PRKN: variants seen among roughly 807,000 people sequenced by gnomAD.
PRKN encodes parkin RBR E3 ubiquitin protein ligase, also known as E3 ubiquitin-protein ligase parkin.
PRKN carries 56 observed loss-of-function variants against 59.5 expected under a neutral mutation model. The observed-to-expected ratio is 0.94, with a 90% CI of 0.76 to 1.18. The LOEUF is 1.18. Ranked by LOEUF, PRKN falls within the 50% of genes most tolerant of loss-of-function variation. The pLI is 0.00. For synonymous variants in PRKN, 250 were observed against 222.1 expected, an observed-to-expected ratio of 1.13 and a Z score of -1.12; for missense variants, 657 against 596.4, an observed-to-expected ratio of 1.10 and a Z score of -1.06.
At chr6:162,654,333 A>G (rs996555646) in intron 1 of PRKN, among the ~76,000 whole-genome samples, 1 of 152,218 alleles carries the variant, frequency 6.6e-6, no homozygotes, top group African/African-American at 2.4e-5. Context: ...CAGTATCCCC[A>G]TTTCATACAA....
At chr6:161,839,658 G>A (rs1005779218) in intron 6 of PRKN, among the ~76,000 whole-genome samples, 1 of 152,116 alleles carries the variant, frequency 6.6e-6, no homozygotes, top group Non-Finnish European at 1.5e-5. Context: ...TCTTGAATCA[G>A]GAATGTCCTC....
chr6:161,490,123 C>T (rs1777492487), intron 9 of PRKN, among the ~76,000 whole-genome samples: 1 of 152,158 alleles, frequency 6.6e-6, no homozygotes, highest in African/African-American at 2.4e-5. Context: ...CATTTTCCTC[C>T]TCTAGTCAAG....
intron 7 of PRKN, among the ~76,000 whole-genome samples, chr6:161,707,547 A>G (rs1786555468): frequency 6.6e-6 from 1 of 152,226 alleles, no homozygotes; most frequent in East Asian, 1.9e-4. Flanking sequence ...CGACACAACA[A>G]ACACACTAAA....
chr6:162,314,523 G>A (rs1445887628), intron 2 of PRKN, among the ~76,000 whole-genome samples: 2 of 152,060 alleles, frequency 1.3e-5, no homozygotes, highest in African/African-American at 4.8e-5. Flanking sequence ...AGTAGCTAAA[G>A]ACCGTGGGCA....
chr6:161,698,202 A>C (rs1786101898), intron 7 of PRKN, among the ~76,000 whole-genome samples: 2 of 152,176 alleles, frequency 1.3e-5, no homozygotes, highest in Admixed American at 1.3e-4. Context: ...CAACATGCAA[A>C]AAAAATCACA....
chr6:161,597,094 C>T (rs1210140359), intron 7 of PRKN, among the ~76,000 whole-genome samples: 1 of 152,172 alleles, frequency 6.6e-6, no homozygotes, highest in Non-Finnish European at 1.5e-5. Flanking sequence ...CTTTGGGCCT[C>T]ACGCTTTTCT....
intron 1 of PRKN, among the ~76,000 whole-genome samples, chr6:162,725,633 C>T (rs1225132175): frequency 6.6e-6 from 1 of 152,002 alleles, no homozygotes; most frequent in East Asian, 1.9e-4. Flanking sequence ...CATGGTGGCA[C>T]ACACCTGTAG....
chr6:161,978,005 G>GTTATT (rs1460889583), intron 5 of PRKN, among the ~76,000 whole-genome samples: 1 of 149,252 alleles, frequency 6.7e-6, no homozygotes, highest in African/African-American at 2.5e-5. Context: ...CTAATTTGCA[G>GTTATT]TTATTTTATT....
At chr6:161,776,140 T>C (rs890445971) in intron 7 of PRKN, among the ~76,000 whole-genome samples, 3 of 152,178 alleles carry the variant, frequency 2.0e-5, no homozygotes, top group African/African-American at 7.2e-5. Flanking sequence ...AAGAAGTAAG[T>C]GCATTTTGCA....
chr6:162,405,571 T>C (rs1263747914), intron 2 of PRKN, among the ~76,000 whole-genome samples: 1 of 152,182 alleles, frequency 6.6e-6, no homozygotes, highest in East Asian at 1.9e-4. Context: ...GCTAAAGCTC[T>C]AAACTCAGAT....
intron 6 of PRKN, among the ~76,000 whole-genome samples, chr6:161,925,950 GGTTT>G (rs1256440503): frequency 6.6e-6 from 1 of 152,142 alleles, no homozygotes; most frequent in Non-Finnish European, 1.5e-5. Context: ...ACTCATTTAA[GGTTT>G]GTATTTATTA....
At chr6:161,748,984 C>T (rs1001950320) in intron 7 of PRKN, among the ~76,000 whole-genome samples, 3 of 152,160 alleles carry the variant, frequency 2.0e-5, no homozygotes, top group Non-Finnish European at 1.5e-5. Flanking sequence ...AACCCGCCGC[C>T]AGGGGGCAGC....
chr6:162,226,212 G>A (rs11759845), intron 3 of PRKN, among the ~76,000 whole-genome samples: 63,347 of 151,810 alleles, frequency 0.42, 15,118 homozygotes, highest in East Asian at 0.8. Context: ...AGAAAAATAA[G>A]AATCAGGGCT....
chr6:162,238,374 T>C (rs892735013), intron 3 of PRKN, among the ~76,000 whole-genome samples: 3 of 152,152 alleles, frequency 2.0e-5, no homozygotes, highest in African/African-American at 7.2e-5. Flanking sequence ...ATACTCTATG[T>C]TGTTTGCACA....
At chr6:161,437,258 A>T (rs1178946115) in intron 9 of PRKN, among the ~76,000 whole-genome samples, 2 of 152,036 alleles carry the variant, frequency 1.3e-5, no homozygotes, top group Admixed American at 6.5e-5. Context: ...TCTTCTTGTG[A>T]TCTATAGCTC....
At chr6:162,229,313 T>C (rs1431291351) in intron 3 of PRKN, among the ~76,000 whole-genome samples, 1 of 152,176 alleles carries the variant, frequency 6.6e-6, no homozygotes, top group Non-Finnish European at 1.5e-5. Context: ...ATTTCCATCA[T>C]ATTCAGCTTC....
chr6:161,660,010 G>A (rs1784487246), intron 7 of PRKN, among the ~76,000 whole-genome samples: 1 of 152,098 alleles, frequency 6.6e-6, no homozygotes, highest in Non-Finnish European at 1.5e-5. Flanking sequence ...ATGAGATGAT[G>A]TATCCGAATG....
rs186994712 is a variant in PRKN, at chr6:162,329,309, G to A, written c.172-66544C>T. Reference sequence around the variant, plus strand: ...GTCTGGACCCTCAAAAGCAGTGGACGTGGAAGGTGGTAGCTCCGATAGCCA... The same window carrying A: ...GTCTGGACCCTCAAAAGCAGTGGACATGGAAGGTGGTAGCTCCGATAGCCA... On this transcript the variant is annotated intron_variant, in intron 2 of 11. Transcript: ENST00000366898. Among the ~76,000 whole-genome samples, 302 of 152,208 alleles carry A rather than the reference G, an allele frequency of 2.0e-3. 3 individuals carry two copies. Among genetic ancestry groups the A allele is most frequent in the African/African-American group, 7.1e-3 (293 of 41,530 alleles).
chr6:162,302,733 C>T (rs1046156462), intron 2 of PRKN, among the ~76,000 whole-genome samples: 10 of 152,036 alleles, frequency 6.6e-5, no homozygotes, highest in Non-Finnish European at 1.3e-4. Flanking sequence ...TTCTGAGCTA[C>T]AGAAATGGTG....
Sources: gnomAD v4.1 joint callset for allele counts (sites outside exome capture counted in the v4.1 genomes callset) on GRCh38, gnomAD v4.1.1 for gene constraint, MANE v1.5 for transcripts, NCBI Gene and HGNC (gene_info 2026-07-23, HGNC 2026-07-21) for gene names.